The following INSL6 variants were observed in gnomAD, a reference collection of about 807,000 sequenced individuals.
The protein encoded by INSL6 is insulin like 6.
INSL6 carries 16 observed loss-of-function variants against 9.4 expected under a neutral mutation model. The observed-to-expected ratio is 1.70, with a 90% CI of 1.15 to 2.59. INSL6 has a LOEUF of 2.59. INSL6 is among the 30% of genes most tolerant of loss of function. The probability of loss-of-function intolerance (pLI) is 0.00; values close to 1 mark genes in which losing one functional copy is unlikely to be tolerated. For synonymous variants in INSL6, 154 were observed against 96.9 expected (o/e 1.59, Z -3.46); for missense variants, 391 against 257.3 (o/e 1.52, Z -3.56).
intron 3 of INSL6, chr9:5,127,386 G>A (rs945640849): frequency 4.3e-6 from 1 of 231,788 alleles, no homozygotes; most frequent in African/African-American, 2.2e-5. Flanking sequence ...TATACTTTTA[G>A]CTTGTAGTTC....
chr9:5,109,313 A>C, the INSL6 span: 1 of 152,186 alleles, frequency 6.6e-6, no homozygotes. Context: ...GTTTAACCAA[A>C]ACATTAAATT....
At chr9:5,041,489 A>ACAGAAG in the INSL6 span, 1 of 590,166 alleles carries the variant, frequency 1.7e-6, no homozygotes, top group South Asian at 1.5e-5. Flanking sequence ...CATGAGCGGT[A>ACAGAAG]CAGAAGATCG....
chr9:5,102,048 C>G, the INSL6 span, among the ~76,000 whole-genome samples: 2 of 152,130 alleles, frequency 1.3e-5, no homozygotes, highest in South Asian at 4.1e-4. Flanking sequence ...CTTTGACGAG[C>G]TGACAGAAGT....
At chr9:5,069,522 C>G in the INSL6 span, among the ~76,000 whole-genome samples, 1 of 151,810 alleles carries the variant, frequency 6.6e-6, no homozygotes, top group African/African-American at 2.4e-5. Flanking sequence ...TCATATACTT[C>G]GAGGATTTTA....
At chr9:5,068,111 G>C in the INSL6 span, among the ~76,000 whole-genome samples, 5 of 150,044 alleles carry the variant, frequency 3.3e-5, no homozygotes, top group Non-Finnish European at 7.4e-5. Context: ...AGTGAGTCAA[G>C]ATTGTGCCAC....
At chr9:5,091,055 T>TAGGTC in the INSL6 span, 4 of 610,680 alleles carry the variant, frequency 6.6e-6, no homozygotes, top group African/African-American at 3.8e-5. Flanking sequence ...CTTTTTTTTT[T>TAGGTC]TAGGTCTTAT....
the INSL6 span, chr9:5,109,835 C>T: frequency 1.3e-5 from 2 of 152,120 alleles, no homozygotes; most frequent in Admixed American, 6.5e-5. Flanking sequence ...CAAATATTTT[C>T]CTCATCACAG....
intron 2 of INSL6, among the ~76,000 whole-genome samples, chr9:5,142,504 G>A (rs552571673): frequency 2.6e-5 from 4 of 152,194 alleles, no homozygotes; most frequent in African/African-American, 9.6e-5. Context: ...TCAACTTGAG[G>A]TGTTGTTAAG....
chr9:5,104,731 C>T, the INSL6 span, among the ~76,000 whole-genome samples: 1 of 152,204 alleles, frequency 6.6e-6, no homozygotes, highest in African/African-American at 2.4e-5. Context: ...GGCTTCATCC[C>T]TAGGATGCAA....
chr9:5,050,871 A>G, the INSL6 span: 12 of 1,526,384 alleles, frequency 7.9e-6, no homozygotes, highest in Non-Finnish European at 1.0e-5. Context: ...AAGTGTGAGT[A>G]GAGATTTTAT....
the INSL6 span, chr9:5,112,575 G>T: frequency 1.5e-6 from 1 of 674,522 alleles, no homozygotes. Context: ...AGCGGCTGCG[G>T]GTCCCTTAAG....
At chr9:5,088,727 T>C in the INSL6 span, among the ~76,000 whole-genome samples, 1 of 152,228 alleles carries the variant, frequency 6.6e-6, no homozygotes, top group African/African-American at 2.4e-5. Flanking sequence ...GTGAGGTTTC[T>C]TCTTGGCTTG....
At chr9:5,126,725 T>C in intron 3 of INSL6, 1 of 1,611,156 alleles carries the variant, frequency 6.2e-7, no homozygotes, top group Non-Finnish European at 8.5e-7. Flanking sequence ...ATAATGTAAA[T>C]CAACGCCCCT....
intron 2 of INSL6, among the ~76,000 whole-genome samples, chr9:5,142,957 A>G (rs1031458096): frequency 4.9e-4 from 74 of 152,276 alleles, no homozygotes; most frequent in African/African-American, 1.6e-3. Flanking sequence ...TGAGATAATC[A>G]TGTGGTTTTT....
Position 5,185,543 on chromosome 9 carries a change from A to T in INSL6, c.60T>A (p.Ser20=), listed in dbSNP as rs752153602. ...CACTGCTGATGTCGCTCAGTTCACG[A>T]GAAAACCGAACCAGCAGGAGTCCAA... ...LWLGLLLVRF[S]RELSDISSAR... is the part of the protein sequence containing the mutation. Residue 20 remains serine (S), a synonymous_variant, in exon 1 of 2, where the codon TCT becomes TCA. Coordinates refer to ENST00000381641, the MANE Select transcript of INSL6 (RefSeq NM_007179.3). 1 of 1,614,132 alleles carries T rather than the reference A, an allele frequency of 6.2e-7. No homozygotes were observed.
At chr9:5,081,754 T>C in the INSL6 span, 9 of 1,599,896 alleles carry the variant, frequency 5.6e-6, no homozygotes, top group African/African-American at 1.3e-5. Flanking sequence ...AAATGACATG[T>C]TACCAAATAT....
chr9:5,105,958 C>A, the INSL6 span, among the ~76,000 whole-genome samples: 30 of 152,136 alleles, frequency 2.0e-4, no homozygotes, highest in Middle Eastern at 3.2e-3. Context: ...ACCATAAAAG[C>A]CCTAGAAGAA....
the INSL6 span, chr9:5,081,846 A>G: frequency 1.9e-6 from 3 of 1,613,064 alleles, no homozygotes; most frequent in Non-Finnish European, 2.5e-6. Flanking sequence ...TGAAATTTCT[A>G]CAGCAACTTG....
chr9:5,072,599 G>A, the INSL6 span: 1 of 1,608,242 alleles, frequency 6.2e-7, no homozygotes, highest in Admixed American at 1.7e-5. Flanking sequence ...TAAAAGTTCT[G>A]GATAAAGCAC....
Sources: gnomAD v4.1 joint callset for allele counts (sites outside exome capture counted in the v4.1 genomes callset) on GRCh38, gnomAD v4.1.1 for gene constraint, MANE v1.5 for transcripts, NCBI Gene and HGNC (gene_info 2026-07-23, HGNC 2026-07-21) for gene names.